Variants in HEXA observed in about 807,000 individuals in gnomAD.
HEXA encodes the protein beta-hexosaminidase subunit alpha.
Under a neutral mutation model 73.3 loss-of-function variants are expected in HEXA, and 54 were observed. The observed-to-expected ratio is 0.74, with a 90% confidence interval of 0.59 to 0.92. The LOEUF (loss-of-function observed/expected upper bound fraction) is 0.92, where lower values mean the gene tolerates loss of function less well. HEXA is among the 40% of genes least tolerant of loss of function. The pLI is 0.00. For missense variants in HEXA, 649 were observed against 653.0 expected, an observed-to-expected ratio of 0.99 and a Z score of 0.07; for synonymous variants, 230 against 246.9, an observed-to-expected ratio of 0.93 and a Z score of 0.64.
intron 8 of HEXA, among the ~76,000 whole-genome samples, chr15:72,348,851 A>C (rs1476473021): frequency 6.6e-6 from 1 of 152,162 alleles, no homozygotes; most frequent in African/African-American, 2.4e-5. Context: ...TTTTCTATCA[A>C]TACCTCAAGG....
intron 1 of HEXA, among the ~76,000 whole-genome samples, chr15:72,367,217 A>AGGTGTGAG (rs1246659731): frequency 3.3e-5 from 5 of 152,206 alleles, no homozygotes; most frequent in Non-Finnish European, 7.3e-5. Context: ...TGCTGGGATT[A>AGGTGTGAG]CAGGTGTGAG....
chr15:72,370,697 T>TAAAAAAAAAAAG (rs1555474901), intron 1 of HEXA: 38,751 of 313,552 alleles, frequency 0.12, 834 homozygotes, highest in East Asian at 0.28. Flanking sequence ...ACCTGTTTCT[T>TAAAAAAAAAAAG]AAAAAAAAAA....
chr15:72,350,753 C>T (rs1393042374), intron 6 of HEXA, 103 bp from the exon 7 acceptor site: 2 of 1,312,564 alleles, frequency 1.5e-6, no homozygotes, highest in East Asian at 2.3e-5. Context: ...AGAAAACCTG[C>T]CCATAGCCCT....
rs1231914704 is a variant in HEXA, at chr15:72,341,936, T to A, written c.*2141A>T. 2.0e-5 allele frequency: 3 copies of A among 152,208 alleles called. No homozygotes were observed. Among genetic ancestry groups the A allele is most frequent in the Non-Finnish European group, 2.9e-5 (2 of 68,040 alleles). 9.4% of individuals were successfully genotyped at this position (152,208 alleles called of 1,614,324 possible). A position where few individuals can be genotyped will look rare whatever the true frequency, so the allele number is the denominator to read the frequency against. On this transcript the variant is annotated 3_prime_UTR_variant, in exon 14 of 14. Transcript: ENST00000268097. Reference sequence around the variant, plus strand: ...ACAGGAATAGAAAATGACAGAACCCTACTGCTTTAACTCAAGTGTATCACG... The same window carrying A: ...ACAGGAATAGAAAATGACAGAACCCAACTGCTTTAACTCAAGTGTATCACG...
At chr15:72,362,197 T>G (rs1013531829) in intron 1 of HEXA, among the ~76,000 whole-genome samples, 1 of 152,258 alleles carries the variant, frequency 6.6e-6, no homozygotes, top group African/African-American at 2.4e-5. Flanking sequence ...AAACAAACTT[T>G]GCCTTCCCGC....
At chr15:72,367,553 C>A (rs764265663) in intron 1 of HEXA, among the ~76,000 whole-genome samples, 9 of 152,302 alleles carry the variant, frequency 5.9e-5, no homozygotes, top group Middle Eastern at 6.8e-3. Context: ...TACAGCAAGC[C>A]CCAATGTAGC....
rs2088616893 is a variant in HEXA, at chr15:72,346,560, C to T, written c.1297G>A (p.Asp433Asn). ...NRISYGPDWK[D>N]FYIVEPLAFE... ...GCCAGGGGTTCCACTATGTAGAAAT[C>T]CTTCCAGTCAGGGCCATAGGATATA... The change falls in exon 11 of 14, where the codon GAT becomes AAT. Residue 433 changes from aspartate to asparagine, a missense_variant. By Grantham distance (23) the Asp-to-Asn change is conservative (BLOSUM62 1). Coordinates refer to ENST00000268097, the MANE Select transcript of HEXA (RefSeq NM_000520.6). The T allele has an allele frequency of 1.9e-6, 3 of 1,614,066 alleles. No homozygotes were observed. Among genetic ancestry groups the T allele is most frequent in the Non-Finnish European group, 2.5e-6 (3 of 1,179,974 alleles).
At position 72,357,357 on chromosome 15, in the gene HEXA, A is replaced by G. The variant is rs75203824; in HGVS notation, c.254-740T>C. 331 of 156,006 alleles carry G rather than the reference A, an allele frequency of 2.1e-3. 11 individuals carry two copies. The East Asian group carries it at 0.054, about 26-fold the overall frequency. The allele number at this position is 156,006 out of a possible 1,614,324, so 9.7% of individuals were successfully genotyped here. A position where few individuals can be genotyped will look rare whatever the true frequency, so the allele number is the denominator to read the frequency against. ...TCTTGCTTCCTTCCTTCCTCTTCCC[A>G]AACAGGTTCTCTATCCAAGGTAGAT... On this transcript the variant is annotated intron_variant, in intron 1 of 13. Coordinates refer to ENST00000268097, the MANE Select transcript of HEXA (RefSeq NM_000520.6).
chr15:72,357,753 G>T (rs1234337402), intron 1 of HEXA: 1 of 152,170 alleles, frequency 6.6e-6, no homozygotes, highest in Non-Finnish European at 1.5e-5. Context: ...CAAGCGCTCA[G>T]ATCATCTCAC....
chr15:72,359,169 G>A (rs2088821348), intron 1 of HEXA: 1 of 152,232 alleles, frequency 6.6e-6, no homozygotes, highest in Admixed American at 6.5e-5. Flanking sequence ...AGCTGAGCAA[G>A]TCTCAGGGCT....
At chr15:72,347,653 T>C in intron 10 of HEXA, 33 bp downstream of exon 10, 1 of 1,573,974 alleles carries the variant, frequency 6.4e-7, no homozygotes, top group African/African-American at 1.3e-5. Context: ...GAGGCACTGC[T>C]GGTGGCTTCT....
intron 10 of HEXA, among the ~76,000 whole-genome samples, chr15:72,347,029 ATG>A (rs1453483934): frequency 6.6e-6 from 1 of 151,212 alleles, no homozygotes; most frequent in Non-Finnish European, 1.5e-5. Context: ...AAGTCTCCAG[ATG>A]TTTCTGGGGA....
At chr15:72,348,020 A>T in intron 9 of HEXA, 28 bp downstream of exon 9, 1 of 1,469,934 alleles carries the variant, frequency 6.8e-7, no homozygotes, top group African/African-American at 1.4e-5. Flanking sequence ...CCCCCAAGGG[A>T]CCCCACCCAC....
intron 10 of HEXA, 24 bp from the exon 11 acceptor site, chr15:72,346,734 G>T (rs761429006): frequency 1.7e-5 from 27 of 1,611,208 alleles, no homozygotes; most frequent in Non-Finnish European, 2.2e-5. Context: ...TCAAATGGCA[G>T]TAAGGACACA....
In HEXA at chr15:72,343,984, A is replaced by C; in HGVS notation, c.*93T>G. ...AGGGGCACGCAGGCAAGGGGCACGA[A>C]GGCAAGGGGCTCCGTCCCCTGGCCA... is the stretch of plus-strand genomic sequence containing the variant. On this transcript the variant is annotated 3_prime_UTR_variant, in exon 14 of 14. Coordinates refer to ENST00000268097, the MANE Select transcript of HEXA (RefSeq NM_000520.6). 9.1e-7 allele frequency: 1 copy of C among 1,093,628 alleles called. No homozygotes were observed. The highest frequency in any genetic ancestry group is 2.4e-5 in the East Asian group (1 of 42,144). The allele number at this position is 1,093,628 out of a possible 1,614,324, so 67.7% of individuals were successfully genotyped here.
rs1417136814 is a variant in HEXA at position 72,344,063 on chromosome 15, T to A, written c.*14A>T. On this transcript the variant is annotated 3_prime_UTR_variant, in exon 14 of 14. Transcript: ENST00000268097. ...CATTCACCTACAGCCAGCACCCTCC[T>A]CGGTGCCTGGGGCTCAGGTCTGTTC... 6.2e-7 allele frequency: 1 copy of A among 1,611,212 alleles called. No individual in the cohort carries two copies. Among genetic ancestry groups the A allele is most frequent in the East Asian group, 2.2e-5 (1 of 44,836 alleles).
chr15:72,368,185 C>G (rs1320715344), intron 1 of HEXA, among the ~76,000 whole-genome samples: 1 of 152,126 alleles, frequency 6.6e-6, no homozygotes, highest in Non-Finnish European at 1.5e-5. Flanking sequence ...TATTCATAAC[C>G]TGAGTGCTTA....
intron 11 of HEXA, 66 bp downstream of exon 11, chr15:72,346,461 C>T (rs2088615144): frequency 3.2e-6 from 5 of 1,557,650 alleles, no homozygotes; most frequent in Non-Finnish European, 8.9e-7. Flanking sequence ...CCCAGACCTT[C>T]CTGCCTCCCA....
Position 72,353,053 on chromosome 15 carries a change from T to C in HEXA, c.570+15A>G, listed in dbSNP as rs1377262777. 6.6e-7 allele frequency: 1 copy of C among 1,518,378 alleles called. No homozygotes were observed. 94.1% of individuals were successfully genotyped at this position (1,518,378 alleles called of 1,614,324 possible). ...AGAACTCTTAAGTGTGAAGAAGGCC[T>C]TAAGGCCTGGTTACCAGAGTGTCCA... On this transcript the variant is annotated intron_variant, in intron 5 of 13. Coordinates refer to ENST00000268097, the MANE Select transcript of HEXA (RefSeq NM_000520.6).
Sources: gnomAD v4.1 joint callset for allele counts (sites outside exome capture counted in the v4.1 genomes callset) on GRCh38, gnomAD v4.1.1 for gene constraint, MANE v1.5 for transcripts, NCBI Gene and HGNC (gene_info 2026-07-23, HGNC 2026-07-21) for gene names.